EEA1: variants seen among roughly 807,000 people sequenced by gnomAD.
EEA1 encodes early endosome antigen 1, 162kD.
EEA1 carries 111 observed loss-of-function variants against 209.2 expected under a neutral mutation model. The ratio of observed to expected loss-of-function variants is 0.53; its 90% CI spans 0.45 to 0.62. The LOEUF is 0.62. Ranked by LOEUF, EEA1 falls within the 20% of genes least tolerant of loss-of-function variation. EEA1 has a pLI of 0.00. For missense variants in EEA1, 1,343 were observed against 1,530.8 expected (o/e 0.88, Z 2.05); for synonymous variants, 536 against 540.6 (o/e 0.99, Z 0.12).
chr12:92,796,451 A>G (rs1265501627), intron 21 of EEA1, among the ~76,000 whole-genome samples: 4 of 139,896 alleles, frequency 2.9e-5, no homozygotes, highest in African/African-American at 1.0e-4. Flanking sequence ...ATGCTGTAGT[A>G]TTACTTTTTA....
chr12:92,783,963 G>A (rs527367579), intron 22 of EEA1, among the ~76,000 whole-genome samples: 1 of 151,824 alleles, frequency 6.6e-6, no homozygotes, highest in African/African-American at 2.4e-5. Flanking sequence ...TCTTATTTAT[G>A]AGGATTCTTA....
chr12:92,814,346 G>C (rs1045903576), intron 15 of EEA1, among the ~76,000 whole-genome samples: 2 of 152,146 alleles, frequency 1.3e-5, no homozygotes, highest in Non-Finnish European at 2.9e-5. Context: ...CTATACTGAT[G>C]AATATATAGC....
chr12:92,853,044 G>A lies in EEA1; in HGVS notation c.407-19C>T. ...TGTAGTTCTACAAAAAAGTGTCGCAGTTATTCAAATACCATGTTAATTACA... is the reference window on the plus strand; with the variant it reads ...TGTAGTTCTACAAAAAAGTGTCGCAATTATTCAAATACCATGTTAATTACA... On this transcript the variant is annotated intron_variant, in intron 6 of 28. Transcript: ENST00000322349. 1 of 1,478,638 alleles carries A rather than the reference G, an allele frequency of 6.8e-7. No homozygotes were observed. The allele number at this position is 1,478,638 out of a possible 1,614,324, so 91.6% of individuals were successfully genotyped here. A position where few individuals can be genotyped will look rare whatever the true frequency, so the allele number is the denominator to read the frequency against.
intron 11 of EEA1, among the ~76,000 whole-genome samples, chr12:92,831,691 T>C (rs895087234): frequency 1.3e-5 from 2 of 149,050 alleles, no homozygotes; most frequent in Non-Finnish European, 3.0e-5. Flanking sequence ...TATTTACCTA[T>C]ACAAAATAGC....
At chr12:92,842,625 TC>T in intron 9 of EEA1, 44 bp from the exon 10 acceptor site, 1 of 1,170,260 alleles carries the variant, frequency 8.5e-7, no homozygotes, top group Non-Finnish European at 1.2e-6. Flanking sequence ...AACTAAATTG[TC>T]TAAAAGATAA....
intron 10 of EEA1, among the ~76,000 whole-genome samples, chr12:92,839,894 T>C (rs932377469): frequency 6.6e-6 from 1 of 152,058 alleles, no homozygotes; most frequent in Non-Finnish European, 1.5e-5. Flanking sequence ...TAAAACAATA[T>C]CTATTATATC....
chr12:92,816,369 T>A lies in EEA1; in HGVS notation c.1760A>T (p.Gln587Leu). ...CTGGGCTTGTTTATGACTTTCTGAC[T>A]GATTCTTCAGCTTCTCTGTTAGTTG... is the stretch of plus-strand genomic sequence containing the variant. ...VTQLTEKLKN[Q>L]SESHKQAQEN... Residue 587 changes from glutamine to leucine, a missense_variant, in exon 15 of 29, where the codon CAG becomes CTG. Transcript: ENST00000322349. 6.2e-7 allele frequency: 1 copy of A among 1,613,930 alleles called. No homozygotes were observed. Among genetic ancestry groups the A allele is most frequent in the African/African-American group, 1.3e-5 (1 of 75,046 alleles).
chr12:92,856,631 T>A (rs567566660), intron 5 of EEA1, among the ~76,000 whole-genome samples: 26 of 152,166 alleles, frequency 1.7e-4, no homozygotes, highest in African/African-American at 4.3e-4. Flanking sequence ...TTAGTCATTA[T>A]CAATTTGTCA....
chr12:92,890,598 T>C (rs967281363), intron 2 of EEA1, among the ~76,000 whole-genome samples: 1 of 152,156 alleles, frequency 6.6e-6, no homozygotes, highest in Admixed American at 6.5e-5. Flanking sequence ...GAATTGTTTT[T>C]TGGTGTTGTT....
At chr12:92,790,492 G>A (rs7303519) in intron 21 of EEA1, among the ~76,000 whole-genome samples, 1 of 152,158 alleles carries the variant, frequency 6.6e-6, no homozygotes, top group East Asian at 1.9e-4. Flanking sequence ...ACATGCACAA[G>A]CTTCAACAGC....
intron 22 of EEA1, among the ~76,000 whole-genome samples, chr12:92,783,212 G>A (rs998048048): frequency 6.6e-6 from 1 of 152,168 alleles, no homozygotes; most frequent in African/African-American, 2.4e-5. Flanking sequence ...GAGCAGTCTT[G>A]GGGATTGAGC....
intron 16 of EEA1, among the ~76,000 whole-genome samples, chr12:92,812,763 A>G (rs774786729): frequency 6.6e-6 from 1 of 152,218 alleles, no homozygotes; most frequent in African/African-American, 2.4e-5. Flanking sequence ...CCACACCTGC[A>G]CACTAGTAGA....
intron 2 of EEA1, among the ~76,000 whole-genome samples, chr12:92,870,237 C>A (rs529074342): frequency 2.2e-4 from 34 of 152,256 alleles, no homozygotes; most frequent in Admixed American, 5.2e-4. Flanking sequence ...TTCTTATATA[C>A]ATAATTACCT....
At chr12:92,824,860 T>C (rs549932972) in intron 13 of EEA1, among the ~76,000 whole-genome samples, 1 of 152,388 alleles carries the variant, frequency 6.6e-6, no homozygotes, top group African/African-American at 2.4e-5. Flanking sequence ...TGTTCACTGC[T>C]ATGTTCACAA....
At chr12:92,799,589 A>G (rs1874811346) in intron 20 of EEA1, among the ~76,000 whole-genome samples, 1 of 151,876 alleles carries the variant, frequency 6.6e-6, no homozygotes. Context: ...GATCGAGACC[A>G]TCCTGGCTAA....
Position 92,832,499 on chromosome 12 carries a change from T to G in EEA1, c.1254+13A>C. 1 of 1,583,230 alleles carries G rather than the reference T, an allele frequency of 6.3e-7. No individual in the cohort carries two copies. Among genetic ancestry groups the G allele is most frequent in the Non-Finnish European group, 8.6e-7 (1 of 1,166,318 alleles). On this transcript the variant is annotated intron_variant, in intron 11 of 28. Transcript: ENST00000322349. Reference sequence around the variant, plus strand: ...GAGGGAGAATTACAATAAATAAAATTAACAGCTCTTACTTGATTAATTTCA... The same window carrying G: ...GAGGGAGAATTACAATAAATAAAATGAACAGCTCTTACTTGATTAATTTCA...
intron 16 of EEA1, among the ~76,000 whole-genome samples, chr12:92,812,106 G>C (rs1324730381): frequency 1.3e-5 from 2 of 152,252 alleles, no homozygotes; most frequent in East Asian, 1.9e-4. Context: ...CAAGGTGGGT[G>C]AATCACCTGA....
intron 2 of EEA1, among the ~76,000 whole-genome samples, chr12:92,876,805 T>C (rs376817616): frequency 4.1e-4 from 50 of 120,510 alleles, no homozygotes; most frequent in African/African-American, 1.5e-3. Context: ...AATGAAGCTA[T>C]AGAGGTAAAA....
intron 18 of EEA1, among the ~76,000 whole-genome samples, chr12:92,804,222 C>T (rs1419069196): frequency 6.6e-6 from 1 of 152,108 alleles, no homozygotes; most frequent in Non-Finnish European, 1.5e-5. Flanking sequence ...TTAAATAAGA[C>T]TTACTTTCAA....
Sources: gnomAD v4.1 joint callset for allele counts (sites outside exome capture counted in the v4.1 genomes callset) on GRCh38, gnomAD v4.1.1 for gene constraint, MANE v1.5 for transcripts, NCBI Gene and HGNC (gene_info 2026-07-23, HGNC 2026-07-21) for gene names.